The following AKNA variants were observed in gnomAD, a reference collection of about 807,000 sequenced individuals.
The protein encoded by AKNA is AT-hook transcription factor.
In AKNA, 67 loss-of-function variants were observed where a neutral mutation model predicts 138.8. That is an observed-to-expected ratio of 0.48 (90% CI 0.40 to 0.59). The LOEUF (loss-of-function observed/expected upper bound fraction) is 0.59. AKNA is among the 20% of genes least tolerant of loss of function. The pLI is 0.00. For synonymous variants in AKNA, 737 were observed against 754.4 expected, an observed-to-expected ratio of 0.98 and a Z score of 0.38; for missense variants, 1,813 against 1,880.4, an observed-to-expected ratio of 0.96 and a Z score of 0.66.
intron 21 of AKNA, among the ~76,000 whole-genome samples, chr9:114,340,073 T>C (rs899414516): frequency 5.3e-5 from 8 of 152,334 alleles, no homozygotes; most frequent in Non-Finnish European, 7.4e-5. Flanking sequence ...CACTCCAGCC[T>C]GGGCGACAAA....
At chr9:114,363,866 C>T (rs571606932) in intron 7 of AKNA, among the ~76,000 whole-genome samples, 32 of 152,284 alleles carry the variant, frequency 2.1e-4, no homozygotes, top group African/African-American at 7.2e-4. Context: ...TCCTTTGACG[C>T]CTACACTCCC....
intron 1 of AKNA, among the ~76,000 whole-genome samples, chr9:114,384,967 G>A (rs894425404): frequency 6.6e-6 from 1 of 151,984 alleles, no homozygotes; most frequent in Admixed American, 6.6e-5. Flanking sequence ...CTCCCACCTC[G>A]GCCTCCTGAG....
At chr9:114,350,259 C>T (rs752739669) in intron 15 of AKNA, among the ~76,000 whole-genome samples, 16 of 152,172 alleles carry the variant, frequency 1.1e-4, no homozygotes, top group Non-Finnish European at 1.9e-4. Flanking sequence ...AACATGACAG[C>T]CTCATGCCTG....
chr9:114,332,500 G>A (rs1283550257), downstream of AKNA, among the ~76,000 whole-genome samples: 1 of 152,108 alleles, frequency 6.6e-6, no homozygotes, highest in African/African-American at 2.4e-5. Flanking sequence ...CGATGAGCTG[G>A]TTCCAATTTT....
intron 1 of AKNA, among the ~76,000 whole-genome samples, chr9:114,383,993 C>A (rs1833863755): frequency 6.6e-6 from 1 of 152,186 alleles, no homozygotes; most frequent in African/African-American, 2.4e-5. Flanking sequence ...GCCCCACAGT[C>A]CCTACCACAT....
intron 9 of AKNA, 37 bp downstream of exon 9, chr9:114,361,666 AC>A (rs1183078224): frequency 1.9e-6 from 3 of 1,604,570 alleles, no homozygotes; most frequent in African/African-American, 2.7e-5. Flanking sequence ...AAATGAATGC[AC>A]GAGGGAACAG....
chr9:114,354,926 T>C (rs1486959166), intron 14 of AKNA, among the ~76,000 whole-genome samples: 1 of 148,504 alleles, frequency 6.7e-6, no homozygotes, highest in African/African-American at 2.5e-5. Flanking sequence ...TGGTGTGCAG[T>C]GGTGCGATCT....
rs148417221 is a variant in AKNA at position 114,361,820 on chromosome 9, C to T, written c.2008G>A (p.Gly670Arg). ...GTGCTGTCCAGAGCTGAGTCTGACC[C>T]GGGCGGCTCAGGCTCTTGCTGGGTC... ...DQTQQEPEPP[G>R]SDSALDSTPA... Residue 670 changes from glycine to arginine, a missense_variant, in exon 9 of 22, where the codon GGG becomes AGG. By Grantham distance (125) the Gly-to-Arg change is moderately radical. Transcript: ENST00000374088. The T allele has an allele frequency of 1.3e-4, 216 of 1,613,494 alleles. 2 individuals carry two copies. In the Middle Eastern group the frequency reaches 6.2e-3, roughly 46 times the overall value.
chr9:114,378,751 T>A (rs1314046689), intron 2 of AKNA, among the ~76,000 whole-genome samples: 2 of 152,090 alleles, frequency 1.3e-5, no homozygotes, highest in Non-Finnish European at 2.9e-5. Context: ...ATGCACCCAT[T>A]CATCACCCAC....
chr9:114,385,660 G>A (rs1040539009), intron 1 of AKNA, among the ~76,000 whole-genome samples: 7 of 152,220 alleles, frequency 4.6e-5, no homozygotes, highest in Admixed American at 3.9e-4. Context: ...GCACGTCAGA[G>A]GCAGCTGCAG....
intron 1 of AKNA, chr9:114,394,257 T>C (rs1834460596): frequency 6.6e-6 from 1 of 152,240 alleles, no homozygotes; most frequent in Non-Finnish European, 1.5e-5. Context: ...TTTACCATTT[T>C]TCCTTTTGGG....
chr9:114,350,959 T>C lies in AKNA; in HGVS notation c.3121A>G (p.Thr1041Ala). 1.9e-6 allele frequency: 3 copies of C among 1,613,314 alleles called. No individual in the cohort carries two copies. The highest frequency in any genetic ancestry group is 2.2e-5 in the East Asian group (1 of 44,854). Residue 1041 changes from threonine to alanine, a missense_variant, in exon 15 of 22, where the codon ACA becomes GCA. By Grantham distance (58) the Thr-to-Ala change is moderately conservative. Coordinates refer to ENST00000374088, the MANE Select transcript of AKNA (RefSeq NM_001317950.2). ...GCGGGGGCTGGGGGTGGGCTGATTG[T>C]CTTGTTGGGAAGGGGCTGTTCAGAA... ...RISEQPLPNK[T>A]ISPPPAPAPA...
chr9:114,377,496 G>C lies in AKNA; in HGVS notation c.311C>G (p.Ser104Cys). ...EAEDVDSPAS[S>C]HEPLAWLPQQ... ...GGGGAGCCAGGCAAGAGGCTCATGG[G>C]AACTTGCTGGGCTGTCCACATCCTC... Residue 104 changes from serine to cysteine, a missense_variant, in exon 3 of 22, where the codon TCC becomes TGC. Physicochemically the swap from Ser to Cys is moderately radical, Grantham distance 112 (BLOSUM62 -1). Coordinates refer to ENST00000374088, the MANE Select transcript of AKNA (RefSeq NM_001317950.2). 1 of 1,611,160 alleles carries C rather than the reference G, an allele frequency of 6.2e-7. No individual in the cohort carries two copies. Among genetic ancestry groups the C allele is most frequent in the Non-Finnish European group, 8.5e-7 (1 of 1,178,620 alleles).
At chr9:114,356,264 G>A in intron 13 of AKNA, 128 bp from the exon 14 acceptor site, 1 of 834,668 alleles carries the variant, frequency 1.2e-6, no homozygotes, top group Admixed American at 3.0e-5. Context: ...ATCTCGGGTG[G>A]TACAATATTT....
upstream of AKNA, among the ~76,000 whole-genome samples, chr9:114,396,095 G>C (rs963063251): frequency 6.6e-6 from 1 of 152,100 alleles, no homozygotes; most frequent in Non-Finnish European, 1.5e-5. Flanking sequence ...ACAATGTTTT[G>C]AGCACCTACT....
rs376756585 is a variant in AKNA, at chr9:114,337,149, C to T, written c.4225G>A (p.Ala1409Thr). The T allele has an allele frequency of 1.1e-5, 18 of 1,610,644 alleles. No individual in the cohort carries two copies. In the African/African-American group the frequency reaches 2.3e-4, roughly 20 times the overall value. The change falls in exon 22 of 22, where the codon GCC becomes ACC. Residue 1409 changes from alanine to threonine, a missense_variant. Transcript: ENST00000374088. ...NKALSRAVQA[A>T]ESVRSTTRQM... is the part of the protein sequence containing the mutation. Reference sequence around the variant, plus strand: ...CTGGTGGTAGAGCGGACGCTCTCGGCAGCCTGCACGGCCCGGCTCAGGGCC... The same window carrying T: ...CTGGTGGTAGAGCGGACGCTCTCGGTAGCCTGCACGGCCCGGCTCAGGGCC...
chr9:114,345,860 T>A lies in AKNA; in HGVS notation c.3661+3A>T. The A allele has an allele frequency of 6.2e-7, 1 of 1,613,800 alleles. No homozygotes were observed. Among genetic ancestry groups the A allele is most frequent in the Non-Finnish European group, 8.5e-7 (1 of 1,179,766 alleles). ...CCCATCCCGGCCCTCCCTCCTGACC[T>A]ACCTGTGTATTGGCCCCGGAAGGTG... is the stretch of plus-strand genomic sequence containing the variant. On this transcript the variant is annotated splice_donor_region_variant and intron_variant, in intron 18 of 21. Coordinates refer to ENST00000374088, the MANE Select transcript of AKNA (RefSeq NM_001317950.2).
chr9:114,394,489 A>G (rs1834467643), upstream of AKNA: 1 of 152,024 alleles, frequency 6.6e-6, no homozygotes, highest in South Asian at 2.1e-4. Flanking sequence ...TGTAACCCCC[A>G]CACCTTCTCC....
upstream of AKNA, among the ~76,000 whole-genome samples, chr9:114,395,054 T>G (rs17231346): frequency 6.6e-6 from 1 of 151,972 alleles, no homozygotes; most frequent in Non-Finnish European, 1.5e-5. Flanking sequence ...GGAGTTCGCC[T>G]GACATTTGGC....
Sources: gnomAD v4.1 joint callset for allele counts (sites outside exome capture counted in the v4.1 genomes callset) on GRCh38, gnomAD v4.1.1 for gene constraint, MANE v1.5 for transcripts, NCBI Gene and HGNC (gene_info 2026-07-23, HGNC 2026-07-21) for gene names.